CSPP1: variants seen among roughly 807,000 people sequenced by gnomAD.
CSPP1 encodes centrosome and spindle pole associated protein 1, also known as centrosome and spindle pole-associated protein 1.
In CSPP1, 126 loss-of-function variants were observed where a neutral mutation model predicts 164.4. The observed-to-expected ratio is 0.77, with a 90% CI of 0.66 to 0.89. The LOEUF (loss-of-function observed/expected upper bound fraction) is 0.89. CSPP1 is among the 40% of genes least tolerant of loss of function. CSPP1 has a pLI of 0.00. For synonymous variants in CSPP1, 472 were observed against 476.7 expected, an observed-to-expected ratio of 0.99 and a Z score of 0.13; for missense variants, 1,395 against 1,449.8, an observed-to-expected ratio of 0.96 and a Z score of 0.61.
chr8:67,139,691 C>T (rs868514341), intron 17 of CSPP1, among the ~76,000 whole-genome samples: 1 of 152,068 alleles, frequency 6.6e-6, no homozygotes, highest in Non-Finnish European at 1.5e-5. Context: ...ATGTCCTTTG[C>T]AGGGACATGG....
chr8:67,165,789 C>T (rs553712402), intron 24 of CSPP1, among the ~76,000 whole-genome samples: 41 of 152,274 alleles, frequency 2.7e-4, no homozygotes, highest in South Asian at 1.0e-3. Context: ...GTAGTGTTTG[C>T]CAGGATTCTC....
At chr8:67,074,503 A>C (rs1199529098) in intron 2 of CSPP1, 152 bp downstream of exon 2, 1 of 517,768 alleles carries the variant, frequency 1.9e-6, no homozygotes, top group Non-Finnish European at 3.4e-6. Context: ...ACAAGATTGC[A>C]GTAATTTTGA....
At chr8:67,095,188 A>G in intron 6 of CSPP1, 105 bp from the exon 7 acceptor site, 1 of 583,428 alleles carries the variant, frequency 1.7e-6, no homozygotes, top group Non-Finnish European at 2.9e-6. Context: ...TTAAATAAAC[A>G]TCAGAGTTGA....
chr8:67,154,792 C>T (rs925471633), intron 19 of CSPP1, among the ~76,000 whole-genome samples: 1 of 152,162 alleles, frequency 6.6e-6, no homozygotes, highest in Non-Finnish European at 1.5e-5. Context: ...TAAGCCACCA[C>T]GCCCAGCCTA....
chr8:67,156,939 C>A (rs1477743103), intron 19 of CSPP1, among the ~76,000 whole-genome samples: 1 of 152,198 alleles, frequency 6.6e-6, no homozygotes, highest in African/African-American at 2.4e-5. Flanking sequence ...GACCAGAAAC[C>A]TGTTGAACAA....
intron 8 of CSPP1, among the ~76,000 whole-genome samples, chr8:67,103,976 C>CT (rs1312576892): frequency 6.6e-6 from 1 of 150,762 alleles, no homozygotes; most frequent in Non-Finnish European, 1.5e-5. Context: ...TCATATATTT[C>CT]TGTCATGTTG....
intron 22 of CSPP1, 111 bp from the exon 23 acceptor site, chr8:67,163,621 T>G (rs1828783310): frequency 5.8e-6 from 4 of 688,236 alleles, no homozygotes; most frequent in Non-Finnish European, 1.0e-5. Flanking sequence ...GGAGGTAGGA[T>G]AGTGTGGAGT....
intron 3 of CSPP1, among the ~76,000 whole-genome samples, chr8:67,077,668 GA>G (rs1358189191): frequency 6.6e-6 from 1 of 152,180 alleles, no homozygotes; most frequent in Non-Finnish European, 1.5e-5. Flanking sequence ...TGCATTTTGT[GA>G]TTTATTGATG....
At chr8:67,157,064 A>AT (rs540407574) in intron 19 of CSPP1, among the ~76,000 whole-genome samples, 50 of 151,536 alleles carry the variant, frequency 3.3e-4, no homozygotes, top group Non-Finnish European at 5.2e-4. Context: ...TGTGAATGTG[A>AT]TTTTTTTTTC....
intron 29 of CSPP1, 31 bp downstream of exon 29, chr8:67,190,790 A>T (rs1203378534): frequency 6.7e-7 from 1 of 1,484,924 alleles, no homozygotes; most frequent in Non-Finnish European, 9.4e-7. Flanking sequence ...CCCCTTTTCA[A>T]CTTAGAAGAA....
chr8:67,187,640 C>T (rs1369428382), intron 28 of CSPP1, among the ~76,000 whole-genome samples: 3 of 151,594 alleles, frequency 2.0e-5, no homozygotes, highest in South Asian at 4.2e-4. Context: ...GCTATGATCA[C>T]GCCACTAAAC....
chr8:67,084,749 A>G lies in CSPP1; in HGVS notation c.200-1258A>G, dbSNP rs187587967. ...GCGAGACCCTGTCTAAAGAGAGAGA[A>G]AAAAAAAAAAGCCAAGTTTTATTTT... On this transcript the variant is annotated intron_variant, in intron 3 of 30. Coordinates refer to ENST00000678616, the MANE Select transcript of CSPP1 (RefSeq NM_001382391.1). Among the ~76,000 whole-genome samples the G allele has an allele frequency of 5.3e-3, 793 of 148,842 alleles. 8 individuals are homozygous for G. The highest frequency in any genetic ancestry group is 0.04 in the South Asian group (191 of 4,756).
chr8:67,069,860 A>G (rs1420955854), intron 1 of CSPP1, among the ~76,000 whole-genome samples: 1 of 151,908 alleles, frequency 6.6e-6, no homozygotes, highest in African/African-American at 2.4e-5. Flanking sequence ...GGGTTTCGCC[A>G]TATTGGCCAG....
At chr8:67,084,760 G>C (rs1375545345) in intron 3 of CSPP1, among the ~76,000 whole-genome samples, 2 of 150,262 alleles carry the variant, frequency 1.3e-5, no homozygotes, top group African/African-American at 4.9e-5. Context: ...AAAAAAAAAA[G>C]CCAAGTTTTA....
chr8:67,147,170 T>TTA (rs1483228834), intron 17 of CSPP1, among the ~76,000 whole-genome samples: 1 of 152,228 alleles, frequency 6.6e-6, no homozygotes, highest in Non-Finnish European at 1.5e-5. Context: ...CGAAGTTTGC[T>TTA]TACATATAGG....
chr8:67,154,086 G>C lies in CSPP1; in HGVS notation c.2191G>C (p.Glu731Gln). The C allele has an allele frequency of 6.2e-7, 1 of 1,603,838 alleles. No homozygotes were observed. Among genetic ancestry groups the C allele is most frequent in the Non-Finnish European group, 8.5e-7 (1 of 1,171,586 alleles). The change falls in exon 19 of 31, where the codon GAA becomes CAA. Residue 731 changes from glutamate to glutamine, a missense_variant. Glu to Gln is a conservative substitution (Grantham distance 29). Coordinates refer to ENST00000678616, the MANE Select transcript of CSPP1 (RefSeq NM_001382391.1). ...RGNVFGEPPTELQIKQQELYK... is the reference protein window; with the variant it reads ...RGNVFGEPPTQLQIKQQELYK... ...AAATGTATTTGGTGAGCCTCCAACT[G>C]AACTTCAGATTAAACAGCAAGAATT...
intron 24 of CSPP1, among the ~76,000 whole-genome samples, chr8:67,167,667 G>A (rs1829681520): frequency 6.6e-6 from 1 of 152,094 alleles, no homozygotes; most frequent in Admixed American, 6.5e-5. Flanking sequence ...CAGGGTTGCG[G>A]CCGGGCAGAG....
intron 26 of CSPP1, among the ~76,000 whole-genome samples, chr8:67,177,070 C>CAAAAAAAA (rs36084458): frequency 3.9e-5 from 2 of 51,874 alleles, no homozygotes; most frequent in Non-Finnish European, 3.9e-5. Flanking sequence ...GACTTAGTCT[C>CAAAAAAAA]AAAAAAAAAA....
chr8:67,135,446 G>A (rs1217252912), intron 16 of CSPP1: 1 of 152,212 alleles, frequency 6.6e-6, no homozygotes, highest in African/African-American at 2.4e-5. Context: ...ACAGGTGTGA[G>A]CCCAGCCCAT....
Sources: gnomAD v4.1 joint callset for allele counts (sites outside exome capture counted in the v4.1 genomes callset) on GRCh38, gnomAD v4.1.1 for gene constraint, MANE v1.5 for transcripts, NCBI Gene and HGNC (gene_info 2026-07-23, HGNC 2026-07-21) for gene names.